The following CNBD1 variants were observed in gnomAD, a reference collection of about 807,000 sequenced individuals.
CNBD1 encodes cyclic nucleotide-binding domain-containing protein 1.
CNBD1 carries 71 observed loss-of-function variants against 54.4 expected under a neutral mutation model. The ratio of observed to expected loss-of-function variants is 1.30; its 90% CI spans 1.08 to 1.59. CNBD1 has a LOEUF of 1.59. Among genes scored for constraint, CNBD1 ranks in the 40% most tolerant of loss-of-function variants. CNBD1 has a pLI of 0.00. For missense variants in CNBD1, 659 were observed against 518.0 expected (o/e 1.27, Z -2.64); for synonymous variants, 182 against 170.7 (o/e 1.07, Z -0.51).
chr8:86,977,507 A>C (rs1286485553), intron 4 of CNBD1, among the ~76,000 whole-genome samples: 1 of 152,000 alleles, frequency 6.6e-6, no homozygotes, highest in East Asian at 1.9e-4. Context: ...AAGCAATGAG[A>C]GAAGACTCAA....
At chr8:87,114,669 CT>C (rs542764508) in intron 4 of CNBD1, among the ~76,000 whole-genome samples, 179 of 152,230 alleles carry the variant, frequency 1.2e-3, no homozygotes, top group African/African-American at 4.1e-3. Context: ...TGACATTTGT[CT>C]GTTGATTCTT....
rs1022328670 is a variant in CNBD1 at position 87,201,758 on chromosome 8, T to TA, written c.432-4227dup. On this transcript the variant is annotated intron_variant, in intron 4 of 10. Coordinates refer to ENST00000518476, the MANE Select transcript of CNBD1 (RefSeq NM_173538.3). ...TTCAGAGGTTGAAAAACTTAATTTT[T>TA]AAAAAAAATTATTTATTTTTTGAGA... Among the ~76,000 whole-genome samples, 16 of 152,138 alleles carry TA rather than the reference T, an allele frequency of 1.1e-4. No homozygotes were observed. The South Asian group carries it at 1.5e-3, about 14-fold the overall frequency.
rs78323751 is a variant in CNBD1 at position 87,362,660 on chromosome 8, C to A, written c.1303+8874C>A. ...CTACTCCATGGCAAGTCATGGACTG[C>A]AGTTTTTAGTAATGGAATCTTTAAG... is the stretch of plus-strand genomic sequence containing the variant. On this transcript the variant is annotated intron_variant, in intron 10 of 10. Transcript: ENST00000518476. Among the ~76,000 whole-genome samples the A allele has an allele frequency of 2.0e-3, 297 of 152,084 alleles. 3 individuals carry two copies. The East Asian group carries it at 0.05, about 25-fold the overall frequency.
At chr8:86,978,635 C>G (rs535607961) in intron 4 of CNBD1, among the ~76,000 whole-genome samples, 3 of 145,732 alleles carry the variant, frequency 2.1e-5, no homozygotes, top group Non-Finnish European at 3.0e-5. Context: ...CTCCGCATCC[C>G]GGGTTCAAGC....
rs561170137 is a variant in CNBD1 at position 87,169,041 on chromosome 8, C to T, written c.432-36952C>T. ...ATAGTGGTTGTACTACTTTACATTC[C>T]CATTAACAGCATAACAGGGTTCCCT... is the stretch of plus-strand genomic sequence containing the variant. On this transcript the variant is annotated intron_variant, in intron 4 of 10. Transcript: ENST00000518476. 3.9e-5 allele frequency among the ~76,000 whole-genome samples: 6 copies of T among 152,044 alleles called. No homozygotes were observed. The South Asian group carries it at 1.2e-3, about 32-fold the overall frequency.
intron 4 of CNBD1, among the ~76,000 whole-genome samples, chr8:86,956,942 T>G (rs1484842027): frequency 6.6e-6 from 1 of 152,196 alleles, no homozygotes; most frequent in South Asian, 2.1e-4. Flanking sequence ...TTTTTGCCCA[T>G]TCAGTATGAT....
At chr8:87,321,681 AC>A (rs1414077548) in intron 8 of CNBD1, among the ~76,000 whole-genome samples, 1 of 151,816 alleles carries the variant, frequency 6.6e-6, no homozygotes, top group African/African-American at 2.4e-5. Flanking sequence ...CTGCACAAAA[AC>A]TTTTTAATTT....
intron 4 of CNBD1, among the ~76,000 whole-genome samples, chr8:86,999,964 A>G (rs997773219): frequency 3.3e-5 from 5 of 152,172 alleles, no homozygotes; most frequent in African/African-American, 1.2e-4. Flanking sequence ...CTTAGACTGA[A>G]TTTTATCAAT....
intron 6 of CNBD1, among the ~76,000 whole-genome samples, chr8:87,256,826 G>C (rs1041908208): frequency 6.6e-6 from 1 of 151,390 alleles, no homozygotes. Flanking sequence ...ATCTTTGTCA[G>C]TTGTGAGATT....
At chr8:87,264,141 T>A (rs1808200559) in intron 6 of CNBD1, among the ~76,000 whole-genome samples, 1 of 152,020 alleles carries the variant, frequency 6.6e-6, no homozygotes, top group African/African-American at 2.4e-5. Context: ...ATGCTATCCC[T>A]CCCCTCTCCC....
chr8:87,045,996 G>A (rs145665799), intron 4 of CNBD1, among the ~76,000 whole-genome samples: 184 of 146,026 alleles, frequency 1.3e-3, no homozygotes, highest in Middle Eastern at 3.8e-3. Flanking sequence ...AGCCAAGGTC[G>A]TGCCACTGCA....
At chr8:86,908,448 A>G (rs1373338336) in intron 3 of CNBD1, among the ~76,000 whole-genome samples, 2 of 152,224 alleles carry the variant, frequency 1.3e-5, no homozygotes, top group African/African-American at 4.8e-5. Context: ...ATGACTTTGA[A>G]GAAAGAAGTC....
intron 8 of CNBD1, among the ~76,000 whole-genome samples, chr8:87,296,851 C>A (rs1054126069): frequency 6.6e-6 from 1 of 151,960 alleles, no homozygotes; most frequent in East Asian, 1.9e-4. Context: ...CCACATATAT[C>A]ATTTTAAATT....
intron 4 of CNBD1, among the ~76,000 whole-genome samples, chr8:87,008,476 T>A (rs905901591): frequency 6.6e-6 from 1 of 152,222 alleles, no homozygotes; most frequent in Non-Finnish European, 1.5e-5. Flanking sequence ...AAGTCCTTTC[T>A]GCAGAATTTA....
At chr8:87,202,663 T>A (rs1192038434) in intron 4 of CNBD1, among the ~76,000 whole-genome samples, 5 of 152,064 alleles carry the variant, frequency 3.3e-5, no homozygotes, top group Admixed American at 6.6e-5. Context: ...ACTTTTGCAG[T>A]TTTATAGACC....
intron 4 of CNBD1, among the ~76,000 whole-genome samples, chr8:86,998,929 A>T (rs1366492824): frequency 6.6e-6 from 1 of 152,178 alleles, no homozygotes; most frequent in Non-Finnish European, 1.5e-5. Flanking sequence ...TTTTATTGGA[A>T]TGTGATTCAA....
downstream of CNBD1, among the ~76,000 whole-genome samples, chr8:87,385,092 C>A (rs977553363): frequency 2.0e-5 from 3 of 152,092 alleles, no homozygotes; most frequent in African/African-American, 7.2e-5. Flanking sequence ...GAAGTGAGAT[C>A]ATTTGGGAGG....
chr8:87,054,967 T>C (rs556242603), intron 4 of CNBD1, among the ~76,000 whole-genome samples: 1 of 152,250 alleles, frequency 6.6e-6, no homozygotes, highest in Admixed American at 6.5e-5. Flanking sequence ...TTTTCACTCT[T>C]GAGAGAACAA....
intron 4 of CNBD1, among the ~76,000 whole-genome samples, chr8:86,979,728 A>G (rs908140823): frequency 1.3e-5 from 2 of 152,204 alleles, no homozygotes; most frequent in Non-Finnish European, 2.9e-5. Context: ...ATATGTCCCC[A>G]TATAAGAAGT....
Sources: gnomAD v4.1 joint callset for allele counts (sites outside exome capture counted in the v4.1 genomes callset) on GRCh38, gnomAD v4.1.1 for gene constraint, MANE v1.5 for transcripts, NCBI Gene and HGNC (gene_info 2026-07-23, HGNC 2026-07-21) for gene names.